The following BFSP2 variants were observed in gnomAD, a reference collection of about 807,000 sequenced individuals.
The protein encoded by BFSP2 is phakinin.
A neutral mutation model predicts 44.9 loss-of-function variants in BFSP2; 38 were observed. That is an observed-to-expected ratio of 0.85 (90% CI 0.65 to 1.11). The LOEUF (loss-of-function observed/expected upper bound fraction) is 1.11. Ranked by LOEUF, BFSP2 falls within the 50% of genes least tolerant of loss-of-function variation. BFSP2 has a pLI of 0.00. For missense variants in BFSP2, 525 were observed against 533.0 expected, an observed-to-expected ratio of 0.99 and a Z score of 0.15; for synonymous variants, 197 against 209.9, an observed-to-expected ratio of 0.94 and a Z score of 0.53.
rs1576570936 is a variant in BFSP2 at position 133,427,041 on chromosome 3, T to C, written c.490-20276T>C. Among the ~76,000 whole-genome samples, 3 of 152,320 alleles carry C rather than the reference T, an allele frequency of 2.0e-5. No individual in the cohort carries two copies. In the East Asian group the frequency reaches 5.8e-4, roughly 29 times the overall value. Reference sequence around the variant, plus strand: ...CTGAGTATGATGCTGGTGATTCAAGTGAGGAAGTTTCCAGATACCATGCAT... The same window carrying C: ...CTGAGTATGATGCTGGTGATTCAAGCGAGGAAGTTTCCAGATACCATGCAT... On this transcript the variant is annotated intron_variant, in intron 1 of 6. Transcript: ENST00000302334.
chr3:133,463,550 T>C lies in BFSP2; in HGVS notation c.892-3278T>C, dbSNP rs539697230. 2.6e-4 allele frequency among the ~76,000 whole-genome samples: 39 copies of C among 152,368 alleles called. No individual in the cohort carries two copies. The South Asian group carries it at 8.1e-3, about 32-fold the overall frequency. ...AGGGGAGCATGCGCAGTGTGTTTAC[T>C]GGAGTTGTACACCTGCTCATTTAAG... On this transcript the variant is annotated intron_variant, in intron 4 of 6. Transcript: ENST00000302334.
chr3:133,419,296 G>A (rs984756558), intron 1 of BFSP2, among the ~76,000 whole-genome samples: 1 of 152,172 alleles, frequency 6.6e-6, no homozygotes, highest in East Asian at 1.9e-4. Flanking sequence ...GGAATTTGGG[G>A]GAGGAAGGAC....
chr3:133,453,079 G>T (rs12635359), intron 4 of BFSP2, among the ~76,000 whole-genome samples: 14,071 of 152,218 alleles, frequency 0.092, 660 homozygotes, highest in East Asian at 0.18. Flanking sequence ...GGCCAATGCT[G>T]CCTGGGCCTC....
At chr3:133,459,111 A>G (rs2074039204) in intron 4 of BFSP2, among the ~76,000 whole-genome samples, 1 of 152,174 alleles carries the variant, frequency 6.6e-6, no homozygotes, top group Non-Finnish European at 1.5e-5. Flanking sequence ...ATGCGGAGGC[A>G]GGAGGATCCC....
rs775978787 is a variant in BFSP2 at position 133,472,387 on chromosome 3, C to T, written c.1066C>T (p.His356Tyr). ...ENTLHDAKHW[H>Y]DMELQNLGAV... ...CACCTTGCACGATGCCAAGCACTGG[C>T]ATGACATGGAGCTCCAGAACCTGGG... is the stretch of plus-strand genomic sequence containing the variant. Residue 356 changes from histidine to tyrosine, a missense_variant, in exon 6 of 7, where the codon CAT (histidine) becomes TAT (tyrosine). Physicochemically the swap from His to Tyr is moderately conservative, Grantham distance 83. Coordinates refer to ENST00000302334, the MANE Select transcript of BFSP2 (RefSeq NM_003571.4). The T allele has an allele frequency of 5.0e-6, 8 of 1,613,980 alleles. No individual in the cohort carries two copies. In the South Asian group the frequency reaches 8.8e-5, roughly 18 times the overall value.
intron 4 of BFSP2, among the ~76,000 whole-genome samples, chr3:133,452,529 A>G (rs756536736): frequency 2.0e-5 from 3 of 152,208 alleles, no homozygotes; most frequent in East Asian, 1.9e-4. Flanking sequence ...AGTTTGGTCC[A>G]TTGCCTTTTT....
intron 1 of BFSP2, among the ~76,000 whole-genome samples, chr3:133,428,117 A>C (rs540887476): frequency 6.6e-6 from 1 of 152,188 alleles, no homozygotes; most frequent in Non-Finnish European, 1.5e-5. Context: ...AGCTCAAAAC[A>C]GTTTGACCTT....
rs1052571434 is a variant in BFSP2 at position 133,443,618 on chromosome 3, C to A, written c.490-3699C>A. Among the ~76,000 whole-genome samples, 3 of 152,214 alleles carry A rather than the reference C, an allele frequency of 2.0e-5. No individual in the cohort carries two copies. In the East Asian group the frequency reaches 5.8e-4, roughly 29 times the overall value. ...GGCCTTGTTATTAAGAGCAGTATCA[C>A]TGGGGTGCTAGGGACTGAGAATTAT... On this transcript the variant is annotated intron_variant, in intron 1 of 6. Transcript: ENST00000302334.
chr3:133,468,279 G>A (rs764681193), intron 5 of BFSP2, among the ~76,000 whole-genome samples: 2 of 152,190 alleles, frequency 1.3e-5, no homozygotes, highest in Admixed American at 6.5e-5. Flanking sequence ...GGTAGACTTC[G>A]TGGTGGGTGC....
intron 3 of BFSP2, among the ~76,000 whole-genome samples, chr3:133,450,026 GA>G (rs2073946395): frequency 7.2e-6 from 1 of 138,984 alleles, no homozygotes; most frequent in South Asian, 2.6e-4. Context: ...AGGAGGGAGG[GA>G]GGGGGAGGGA....
intron 5 of BFSP2, among the ~76,000 whole-genome samples, chr3:133,467,662 A>G (rs1197363005): frequency 6.6e-6 from 1 of 152,200 alleles, no homozygotes; most frequent in East Asian, 1.9e-4. Context: ...TTAATAATGA[A>G]GCAATCCACC....
At position 133,400,578 on chromosome 3, in the gene BFSP2, T is replaced by C. The variant is rs1207965638; in HGVS notation, c.489+6T>C. On this transcript the variant is annotated splice_donor_region_variant and intron_variant, in intron 1 of 6. Coordinates refer to ENST00000302334, the MANE Select transcript of BFSP2 (RefSeq NM_003571.4). The surrounding 1 kb of genome is among the most constrained non-coding windows in gnomAD (Gnocchi z 4.0). Reference sequence around the variant, plus strand: ...GGGCCAGCAGCTGCCAGCAGGTAAGTGTCCAGGCTGTGCCAAGGGCTTTGC... The same window carrying C: ...GGGCCAGCAGCTGCCAGCAGGTAAGCGTCCAGGCTGTGCCAAGGGCTTTGC... 1.9e-6 allele frequency: 3 copies of C among 1,589,136 alleles called. No individual in the cohort carries two copies. The highest frequency in any genetic ancestry group is 1.7e-6 in the Non-Finnish European group (2 of 1,167,820).
chr3:133,416,774 C>G (rs1576563369), intron 1 of BFSP2, among the ~76,000 whole-genome samples: 1 of 137,480 alleles, frequency 7.3e-6, no homozygotes, highest in Non-Finnish European at 1.6e-5. Context: ...TGCCCCTACA[C>G]TCTCCCTTCT....
intron 2 of BFSP2, 35 bp downstream of exon 2, chr3:133,447,434 C>T: frequency 1.3e-6 from 2 of 1,594,114 alleles, no homozygotes; most frequent in Non-Finnish European, 1.7e-6. Flanking sequence ...AGTCCCTCCA[C>T]ATCCCTAGAC....
At chr3:133,411,715 T>A (rs1179546923) in intron 1 of BFSP2, among the ~76,000 whole-genome samples, 1 of 26,724 alleles carries the variant, frequency 3.7e-5, no homozygotes, top group Non-Finnish European at 8.3e-5. Flanking sequence ...ATAAGTGATA[T>A]TTAGACAACT....
At chr3:133,424,224 T>A (rs1376445737) in intron 1 of BFSP2, among the ~76,000 whole-genome samples, 4 of 126,786 alleles carry the variant, frequency 3.2e-5, no homozygotes, top group African/African-American at 1.4e-4. Flanking sequence ...TTTTTTTTTT[T>A]TTTTTTTTTT....
At chr3:133,424,216 T>TGTGTGTGTGTGTGTGTGTGTGTGTGTG (rs1559963358) in intron 1 of BFSP2, among the ~76,000 whole-genome samples, 934 of 49,164 alleles carry the variant, frequency 0.019, 28 homozygotes, top group Non-Finnish European at 0.024. Context: ...CAGCTAATTT[T>TGTGTGTGTGTGTGTGTGTGTGTGTGTG]TTTTTTTTTT....
Position 133,400,391 on chromosome 3 carries a change from G to C in BFSP2, c.308G>C (p.Arg103Thr), listed in dbSNP as rs774824709. ...LATVPAPGLE[R>T]DHGAVEDLGG... is the part of the protein sequence containing the mutation. ...ACCGTGCCGGCTCCAGGTTTGGAGA[G>C]GGACCATGGTGCTGTTGAGGACCTA... Residue 103 changes from arginine to threonine, a missense_variant, in exon 1 of 7, where the codon AGG (arginine) becomes ACG (threonine). Transcript: ENST00000302334. This position sits in a 1 kb window ranked among gnomAD's most constrained non-coding sequence, Gnocchi z 4.0. 2 of 1,613,962 alleles carry C rather than the reference G, an allele frequency of 1.2e-6. No homozygotes were observed. Among genetic ancestry groups the C allele is most frequent in the Admixed American group, 1.7e-5 (1 of 60,014 alleles).
intron 1 of BFSP2, among the ~76,000 whole-genome samples, chr3:133,419,531 G>C (rs989000081): frequency 1.3e-5 from 2 of 152,172 alleles, no homozygotes; most frequent in African/African-American, 4.8e-5. Flanking sequence ...AGCTATAGTC[G>C]ACACAGGCCC....
Sources: gnomAD v4.1 joint callset for allele counts (sites outside exome capture counted in the v4.1 genomes callset) on GRCh38, gnomAD v4.1.1 for gene constraint, Gnocchi (gnomAD v3.1) non-coding constraint, MANE v1.5 for transcripts, NCBI Gene and HGNC (gene_info 2026-07-23, HGNC 2026-07-21) for gene names.